XPC: variants seen among roughly 807,000 people sequenced by gnomAD.
XPC encodes the protein DNA repair protein complementing XP-C cells.
In XPC, 76 loss-of-function variants were observed where a neutral mutation model predicts 95.8. The observed-to-expected ratio is 0.79, with a 90% CI of 0.66 to 0.96. The LOEUF is 0.96. Among genes scored for constraint, XPC ranks in the 40% least tolerant of loss-of-function variants. The pLI, the probability that XPC is intolerant of heterozygous loss-of-function variation, is 0.00. For missense variants in XPC, 1,146 were observed against 1,179.8 expected, an observed-to-expected ratio of 0.97 and a Z score of 0.42; for synonymous variants, 442 against 442.1, an observed-to-expected ratio of 1.00 and a Z score of 0.00.
intron 2 of XPC, among the ~76,000 whole-genome samples, chr3:14,171,184 T>C (rs534251831): frequency 3.2e-4 from 49 of 152,348 alleles, no homozygotes; most frequent in African/African-American, 1.2e-3. Context: ...AATTCATATA[T>C]AAAATGTGTC....
rs1243649269 is a variant in XPC at position 14,146,073 on chromosome 3, G to T, written c.2691C>A (p.Ala897=). ...EEGTSSQAEA[A]RILAASWPQN... ...GAGGCCAGGAGGCAGCCAGTATCCTGGCCGCTTCTGCTTGAGAGCTGGTCC... is the reference window on the plus strand; with the variant it reads ...GAGGCCAGGAGGCAGCCAGTATCCTTGCCGCTTCTGCTTGAGAGCTGGTCC... Residue 897 remains alanine, a synonymous_variant, in exon 16 of 16, where the codon GCC becomes GCA. Coordinates refer to ENST00000285021, the MANE Select transcript of XPC (RefSeq NM_004628.5). 7.4e-6 allele frequency: 12 copies of T among 1,612,344 alleles called. No homozygotes were observed. Among genetic ancestry groups the T allele is most frequent in the Non-Finnish European group, 8.5e-6 (10 of 1,179,452 alleles).
rs1347851880 is a variant in XPC at position 14,145,886 on chromosome 3, G to A, written c.*55C>T. 2.5e-6 allele frequency: 4 copies of A among 1,570,164 alleles called. No individual in the cohort carries two copies. On this transcript the variant is annotated 3_prime_UTR_variant, in exon 16 of 16. Coordinates refer to ENST00000285021, the MANE Select transcript of XPC (RefSeq NM_004628.5). ...GCTGGGCATGCCCAGGGCAGGTGTG[G>A]GGCCTGTAGTGGGGCAGCAGCAACT...
In XPC at chr3:14,158,010, C is replaced by T. The variant is rs1559374923; in HGVS notation, c.1872+1G>A. Reference sequence around the variant, plus strand: ...GGAGCCCCTGGCAGCCAAGGCCTTACCTCCAAGTCTTCTTTCTTCTCCCTG... The same window carrying T: ...GGAGCCCCTGGCAGCCAAGGCCTTATCTCCAAGTCTTCTTTCTTCTCCCTG... On this transcript the variant is annotated splice_donor_variant, in intron 9 of 15. Transcript: ENST00000285021. LOFTEE classifies it high-confidence loss of function. This position sits in a 1 kb window ranked among gnomAD's most constrained non-coding sequence, Gnocchi z 5.2. The T allele has an allele frequency of 8.8e-6, 14 of 1,595,036 alleles. No individual in the cohort carries two copies. Among genetic ancestry groups the T allele is most frequent in the East Asian group, 2.3e-5 (1 of 44,432 alleles).
intron 3 of XPC, among the ~76,000 whole-genome samples, 152 bp downstream of exon 3, chr3:14,170,286 T>C (rs1182356779): frequency 6.6e-6 from 1 of 152,212 alleles, no homozygotes; most frequent in Non-Finnish European, 1.5e-5. Flanking sequence ...TTTCCATATA[T>C]ATCAAAGCAA....
rs188441564 is a variant in XPC, at chr3:14,151,191, G to A, written c.2115+1144C>T. Among the ~76,000 whole-genome samples the A allele has an allele frequency of 7.9e-5, 12 of 152,282 alleles. No individual in the cohort carries two copies. In the East Asian group the frequency reaches 2.3e-3, roughly 29 times the overall value. On this transcript the variant is annotated intron_variant, in intron 11 of 15. Coordinates refer to ENST00000285021, the MANE Select transcript of XPC (RefSeq NM_004628.5). ...TGCACACCTGAAACGTGGCTGGTCT[G>A]AACTAAGGTACAGAAAGTCAAATAC...
intron 15 of XPC, among the ~76,000 whole-genome samples, chr3:14,147,035 A>G (rs1017743674): frequency 2.0e-5 from 3 of 152,144 alleles, no homozygotes; most frequent in Non-Finnish European, 4.4e-5. Flanking sequence ...GACCCATGGC[A>G]TTGCTCATGT....
chr3:14,161,023 T>A (rs1028806405), intron 7 of XPC, among the ~76,000 whole-genome samples: 17 of 152,210 alleles, frequency 1.1e-4, no homozygotes, highest in Non-Finnish European at 2.4e-4. Flanking sequence ...AATCTATCAA[T>A]GTACATTGCT....
chr3:14,148,041 G>A, intron 13 of XPC, 40 bp from the exon 14 acceptor site: 3 of 1,498,946 alleles, frequency 2.0e-6, no homozygotes, highest in Non-Finnish European at 2.7e-6. Flanking sequence ...CGAACCTGCT[G>A]CCTGCTCTGC....
rs1695415357 is a variant in XPC, at chr3:14,146,027, T to G, written c.2737A>C (p.Lys913Gln). The change falls in exon 16 of 16, where the codon AAG becomes CAG. Residue 913 changes from lysine (K) to glutamine (Q), a missense_variant. Transcript: ENST00000285021. ...SWPQNREDEE[K>Q]QKLKGGPKKT... Reference sequence around the variant, plus strand: ...TTGGGCCCACCCTTCAGCTTCTGCTTTTCTTCATCTTCTCGGTTTTGAGGC... The same window carrying G: ...TTGGGCCCACCCTTCAGCTTCTGCTGTTCTTCATCTTCTCGGTTTTGAGGC... The G allele has an allele frequency of 1.2e-6, 2 of 1,612,586 alleles. No individual in the cohort carries two copies. The highest frequency in any genetic ancestry group is 3.3e-5 in the Admixed American group (2 of 59,970).
chr3:14,150,985 A>T (rs1383374942), intron 11 of XPC, among the ~76,000 whole-genome samples: 3 of 152,162 alleles, frequency 2.0e-5, no homozygotes, highest in African/African-American at 7.2e-5. Context: ...AGATGCACAG[A>T]AAGAGCCTAG....
chr3:14,167,073 G>T, intron 5 of XPC, 96 bp downstream of exon 5: 2 of 1,113,400 alleles, frequency 1.8e-6, no homozygotes, highest in Non-Finnish European at 2.5e-6. Flanking sequence ...AACTTGCCAT[G>T]GCCACAGAGC....
intron 6 of XPC, among the ~76,000 whole-genome samples, chr3:14,165,149 C>T (rs6766746): frequency 2.0e-3 from 309 of 152,250 alleles, no homozygotes; most frequent in African/African-American, 7.1e-3. Context: ...CTGAGAAAAG[C>T]GCCCCTGCTA....
chr3:14,165,941 A>G (rs1696361549), intron 5 of XPC: 2 of 266,016 alleles, frequency 7.5e-6, no homozygotes, highest in Admixed American at 9.2e-5. Flanking sequence ...ACGAGATCAG[A>G]AGAAAAGGCA....
intron 7 of XPC, 104 bp from the exon 8 acceptor site, chr3:14,159,934 G>A (rs1334040282): frequency 2.6e-6 from 3 of 1,144,402 alleles, no homozygotes; most frequent in African/African-American, 1.5e-5. Context: ...GGAAAAGCTG[G>A]AAACAGCCAG....
intron 1 of XPC, among the ~76,000 whole-genome samples, chr3:14,173,935 T>C (rs1417663568): frequency 1.3e-5 from 2 of 152,154 alleles, no homozygotes; most frequent in African/African-American, 2.4e-5. Context: ...CCAAAAGGGA[T>C]TGCAATATTA....
chr3:14,154,245 T>A (rs1695811966), intron 10 of XPC, among the ~76,000 whole-genome samples: 1 of 152,134 alleles, frequency 6.6e-6, no homozygotes, highest in African/African-American at 2.4e-5. Flanking sequence ...CCTAAAAAAA[T>A]GATGGGAATT....
chr3:14,178,434 C>G, intron 1 of XPC, 32 bp downstream of exon 1: 2 of 1,575,358 alleles, frequency 1.3e-6, no homozygotes, highest in South Asian at 1.1e-5. Flanking sequence ...CCGGCGGCGT[C>G]TCCCGCGAAG....
intron 7 of XPC, among the ~76,000 whole-genome samples, chr3:14,160,730 C>T (rs1259464010): frequency 6.6e-6 from 1 of 152,252 alleles, no homozygotes; most frequent in East Asian, 1.9e-4. Flanking sequence ...GTGGAAAATC[C>T]AAATAATGTC....
rs113827066 is a variant in XPC at position 14,149,386 on chromosome 3, C to T, written c.2116-438G>A. The T allele has an allele frequency of 5.3e-3, 886 of 167,376 alleles. 9 individuals carry two copies. Among genetic ancestry groups the T allele is most frequent in the African/African-American group, 0.02 (847 of 41,748 alleles). 10.4% of individuals were successfully genotyped at this position (167,376 alleles called of 1,614,324 possible). A position where few individuals can be genotyped will look rare whatever the true frequency, so the allele number is the denominator to read the frequency against. On this transcript the variant is annotated intron_variant, in intron 11 of 15. Transcript: ENST00000285021. ...AGGCGTGAGCCACCGTGCCCGGCTGCTCCCCTTTTCTTACTACAAGCACTA... is the reference window on the plus strand; with the variant it reads ...AGGCGTGAGCCACCGTGCCCGGCTGTTCCCCTTTTCTTACTACAAGCACTA...
Sources: allele counts gnomAD v4.1 joint callset (sites outside exome capture counted in the v4.1 genomes callset), GRCh38; gene constraint gnomAD v4.1.1; non-coding constraint Gnocchi (gnomAD v3.1); transcripts MANE v1.5; gene names NCBI Gene and HGNC (gene_info 2026-07-23, HGNC 2026-07-21).